PTPRN2: variants seen among roughly 807,000 people sequenced by gnomAD.
PTPRN2 encodes receptor-type tyrosine-protein phosphatase N2.
PTPRN2 carries 74 observed loss-of-function variants against 118.8 expected under a neutral mutation model. That is an observed-to-expected ratio of 0.62 (90% CI 0.52 to 0.76). The LOEUF is 0.76. Ranked by LOEUF, PTPRN2 falls within the 30% of genes least tolerant of loss-of-function variation. PTPRN2 has a pLI of 0.00. For missense variants in PTPRN2, 1,481 were observed against 1,394.4 expected, an observed-to-expected ratio of 1.06 and a Z score of -0.99; for synonymous variants, 641 against 608.0, an observed-to-expected ratio of 1.05 and a Z score of -0.80.
At chr7:158,332,665 C>A (rs1460035834) in intron 2 of PTPRN2, among the ~76,000 whole-genome samples, 1 of 144,932 alleles carries the variant, frequency 6.9e-6, no homozygotes, top group Non-Finnish European at 1.5e-5. Context: ...TGCCTGCAGA[C>A]ATCACTCACA....
intron 14 of PTPRN2, among the ~76,000 whole-genome samples, chr7:157,639,957 G>T (rs1804574460): frequency 6.6e-6 from 1 of 152,192 alleles, no homozygotes; most frequent in African/African-American, 2.4e-5. Context: ...TGACAGCCTA[G>T]TGTGTCTGGC....
intron 21 of PTPRN2, among the ~76,000 whole-genome samples, chr7:157,563,308 G>A (rs576705664): frequency 1.6e-5 from 2 of 124,054 alleles, no homozygotes; most frequent in East Asian, 2.7e-4. Flanking sequence ...TCAGGACCAC[G>A]TGCTCCCGCA....
chr7:158,352,541 G>A (rs934894783), intron 2 of PTPRN2, among the ~76,000 whole-genome samples: 10 of 152,202 alleles, frequency 6.6e-5, no homozygotes, highest in African/African-American at 1.4e-4. Flanking sequence ...CAGCCGATTC[G>A]TGGCTGGATT....
At chr7:158,171,292 C>T (rs1435943656) in intron 5 of PTPRN2, among the ~76,000 whole-genome samples, 766 of 74,898 alleles carry the variant, frequency 0.01, 76 homozygotes, top group African/African-American at 0.047. Context: ...TATATATACA[C>T]ACATATATAT....
intron 2 of PTPRN2, among the ~76,000 whole-genome samples, chr7:158,460,157 C>A (rs56023275): frequency 0.23 from 11,444 of 49,042 alleles, 1 homozygote; most frequent in Middle Eastern, 0.26. Flanking sequence ...CTACATGCTC[C>A]TCCTAGAGGG....
At chr7:158,071,312 CATGGTAGTGGAGGTGCCCATGG>C (rs1811505562) in intron 11 of PTPRN2, among the ~76,000 whole-genome samples, 1 of 91,504 alleles carries the variant, frequency 1.1e-5, no homozygotes, top group Admixed American at 1.1e-4. Context: ...TGGAGGTGCC[CATGGTAGTGGAGGTGCCCATGG>C]TGGTGGAGGT....
rs1804202092 is a variant in PTPRN2 at position 157,788,272 on chromosome 7, G to A, written c.1789-105335C>T. On this transcript the variant is annotated intron_variant, in intron 12 of 22. Coordinates refer to ENST00000389418, the MANE Select transcript of PTPRN2 (RefSeq NM_002847.5). The stretch of plus-strand genomic sequence containing the variant: ...AGCCTGTAGTCCCAGCTACTGGGGA[G>A]GCTGAGGCAGGAGATTCACTTGAAC... Among the ~76,000 whole-genome samples the A allele has an allele frequency of 2.0e-5, 3 of 151,876 alleles. No homozygotes were observed. In the South Asian group the frequency reaches 6.2e-4, roughly 32 times the overall value.
At chr7:158,393,732 A>G (rs984188242) in intron 2 of PTPRN2, among the ~76,000 whole-genome samples, 9 of 152,136 alleles carry the variant, frequency 5.9e-5, no homozygotes, top group Non-Finnish European at 8.8e-5. Context: ...ATCGCCTAAC[A>G]CTGGTGAAGA....
At chr7:158,071,458 A>T (rs1236798366) in intron 11 of PTPRN2, among the ~76,000 whole-genome samples, 14 of 89,318 alleles carry the variant, frequency 1.6e-4, no homozygotes, top group South Asian at 7.2e-4. Flanking sequence ...CTCGTGGTTG[A>T]GGTGCTCGTG....
Position 158,133,975 on chromosome 7 carries a change from G to A in PTPRN2, c.1258C>T (p.Pro420Ser). 1 of 1,614,040 alleles carries A rather than the reference G, an allele frequency of 6.2e-7. No individual in the cohort carries two copies. The highest frequency in any genetic ancestry group is 8.5e-7 in the Non-Finnish European group (1 of 1,180,038). ...GACTTCTTCCTCTCCATGTCGAGGG[G>A]CCTTGCAAAGGGGAGGGCTCCAGGT... ...LLPGALPFAR[P>S]LDMERKKSEH... The change falls in exon 9 of 23, where the codon CCC becomes TCC. Residue 420 changes from proline to serine, a missense_variant. Transcript: ENST00000389418.
rs150317759 is a variant in PTPRN2 at position 158,316,843 on chromosome 7, C to T, written c.253G>A (p.Ala85Thr). 4.7e-5 allele frequency: 76 copies of T among 1,608,138 alleles called. No individual in the cohort carries two copies. The highest frequency in any genetic ancestry group is 6.3e-5 in the Non-Finnish European group (74 of 1,179,488). ...CCTGTGCCGGAAAGCTTCTGCAACG[C>T]CACGCGCAGGCGCTGCAGGGCCACG... is the stretch of plus-strand genomic sequence containing the variant. Reference protein sequence around the residue: ...SPVALQRLRVALQKLSGTGFT... With the variant: ...SPVALQRLRVTLQKLSGTGFT... The change falls in exon 3 of 23, where the codon GCG becomes ACG. Residue 85 changes from alanine (A) to threonine (T), a missense_variant. This residue lies in a region of PTPRN2 where 1,115 missense variants were observed against 994.2 expected (regional missense o/e 1.12). Coordinates refer to ENST00000389418, the MANE Select transcript of PTPRN2 (RefSeq NM_002847.5).
intron 17 of PTPRN2, among the ~76,000 whole-genome samples, chr7:157,594,268 G>A (rs2150561767): frequency 6.6e-6 from 1 of 152,386 alleles, no homozygotes; most frequent in East Asian, 1.9e-4. Context: ...GGAAAGGGAA[G>A]TAAAGGGAAT....
At chr7:158,126,707 C>A (rs1047198574) in intron 9 of PTPRN2, among the ~76,000 whole-genome samples, 2 of 151,634 alleles carry the variant, frequency 1.3e-5, no homozygotes, top group African/African-American at 4.9e-5. Flanking sequence ...CACACCAGCC[C>A]CCGGAGAGCG....
At chr7:158,199,228 T>C (rs1826443492) in intron 4 of PTPRN2, among the ~76,000 whole-genome samples, 3 of 152,174 alleles carry the variant, frequency 2.0e-5, no homozygotes, top group South Asian at 4.1e-4. Flanking sequence ...CCTTAGCGTG[T>C]TCTCAGGTTC....
chr7:158,008,224 G>A (rs1010284523), intron 11 of PTPRN2, among the ~76,000 whole-genome samples: 15 of 152,100 alleles, frequency 9.9e-5, no homozygotes, highest in African/African-American at 3.4e-4. Flanking sequence ...ACTGCCTGAT[G>A]GGTTCTGAGG....
chr7:157,790,491 A>G (rs1228597464), intron 12 of PTPRN2, among the ~76,000 whole-genome samples: 2 of 152,142 alleles, frequency 1.3e-5, no homozygotes, highest in African/African-American at 2.4e-5. Flanking sequence ...CCAGTAGTAC[A>G]AAACAGATGG....
intron 11 of PTPRN2, among the ~76,000 whole-genome samples, chr7:158,023,305 A>G (rs187524024): frequency 6.6e-6 from 1 of 152,014 alleles, no homozygotes; most frequent in Non-Finnish European, 1.5e-5. Context: ...GCTCTCTCAG[A>G]CCCCAGGTGA....
At chr7:157,649,973 G>T (rs1278034531) in intron 14 of PTPRN2, among the ~76,000 whole-genome samples, 1 of 150,968 alleles carries the variant, frequency 6.6e-6, no homozygotes, top group Non-Finnish European at 1.5e-5. Flanking sequence ...CCCATCCAGC[G>T]TGCACTGAAC....
rs373603270 is a variant in PTPRN2, at chr7:158,071,051, A to G, written c.1723+10247T>C. Reference sequence around the variant, plus strand: ...AGGTGCTCTTAGTATGGAGGTGCTCATGGTGGTGGAGGTGCTCGTGGTGGT... The same window carrying G: ...AGGTGCTCTTAGTATGGAGGTGCTCGTGGTGGTGGAGGTGCTCGTGGTGGT... On this transcript the variant is annotated intron_variant, in intron 11 of 22. Coordinates refer to ENST00000389418, the MANE Select transcript of PTPRN2 (RefSeq NM_002847.5). 8.1e-3 allele frequency among the ~76,000 whole-genome samples: 196 copies of G among 24,190 alleles called. 3 individuals carry two copies. Among genetic ancestry groups the G allele is most frequent in the African/African-American group, 0.016 (64 of 3,934 alleles). 15.9% of individuals were successfully genotyped at this position (24,190 alleles called of 152,430 possible). A position where few individuals can be genotyped will look rare whatever the true frequency, so the allele number is the denominator to read the frequency against.
Sources: gnomAD v4.1 joint callset for allele counts (sites outside exome capture counted in the v4.1 genomes callset) on GRCh38, gnomAD v4.1.1 for gene constraint, gnomAD v4.1.1 regional missense constraint, MANE v1.5 for transcripts, NCBI Gene and HGNC (gene_info 2026-07-23, HGNC 2026-07-21) for gene names.